TGFBRAP1: variants seen among roughly 807,000 people sequenced by gnomAD.
TGFBRAP1 encodes the protein transforming growth factor-beta receptor-associated protein 1.
TGFBRAP1 carries 20 observed loss-of-function variants against 83.2 expected under a neutral mutation model. The ratio of observed to expected loss-of-function variants is 0.24; its 90% CI spans 0.17 to 0.35. The LOEUF is 0.35. Ranked by LOEUF, TGFBRAP1 falls within the 10% of genes least tolerant of loss-of-function variation. TGFBRAP1 has a pLI of 1.00. For missense variants in TGFBRAP1, 950 were observed against 1,099.4 expected (o/e 0.86, Z 1.92); for synonymous variants, 415 against 459.8 (o/e 0.90, Z 1.25).
In TGFBRAP1 at chr2:105,269,819, C is replaced by T. The variant is rs967887316; in HGVS notation, c.1973-114G>A. ...AGGGGAAAAGTCAACCTGGCTCCCT[C>T]ACAATGCCAAATGCTGCCACCCAGA... is the stretch of plus-strand genomic sequence containing the variant. On this transcript the variant is annotated intron_variant, in intron 10 of 11. Transcript: ENST00000393359. This position sits in a 1 kb window ranked among gnomAD's most constrained non-coding sequence, Gnocchi z 4.1. The T allele has an allele frequency of 1.4e-5, 17 of 1,202,048 alleles. No individual in the cohort carries two copies. Among genetic ancestry groups the T allele is most frequent in the Non-Finnish European group, 1.8e-5 (16 of 897,150 alleles). 74.5% of individuals were successfully genotyped at this position (1,202,048 alleles called of 1,614,324 possible).
chr2:105,252,795 C>T, the TGFBRAP1 span, among the ~76,000 whole-genome samples: 2 of 149,164 alleles, frequency 1.3e-5, no homozygotes, highest in Admixed American at 6.7e-5. Flanking sequence ...CTCTGTCGCC[C>T]AGGCTGGAAT....
At chr2:105,277,926 G>C (rs1472122298) in intron 6 of TGFBRAP1, among the ~76,000 whole-genome samples, 1 of 152,138 alleles carries the variant, frequency 6.6e-6, no homozygotes. Context: ...CAGGTGTGGG[G>C]CACACATCTG....
chr2:105,293,488 T>C (rs940205496), intron 4 of TGFBRAP1, among the ~76,000 whole-genome samples: 3 of 152,182 alleles, frequency 2.0e-5, no homozygotes, highest in Non-Finnish European at 2.9e-5. Context: ...GCCCTTGCTT[T>C]AAATGAAGGG....
chr2:105,318,204 A>T (rs1479762239), intron 1 of TGFBRAP1, among the ~76,000 whole-genome samples: 5 of 152,180 alleles, frequency 3.3e-5, no homozygotes, highest in Non-Finnish European at 7.4e-5. Context: ...GAAACACCTC[A>T]TGTTTCCTCC....
chr2:105,272,693 G>A lies in TGFBRAP1; in HGVS notation c.1972+162C>T, dbSNP rs774954509. ...TTGAGACCAGCCTGGGTGACAAAGC[G>A]ACACCCTGTCTTCATTTAAAAAAAT... On this transcript the variant is annotated intron_variant, in intron 10 of 11. Coordinates refer to ENST00000393359, the MANE Select transcript of TGFBRAP1 (RefSeq NM_004257.6). Among the ~76,000 whole-genome samples the A allele has an allele frequency of 1.5e-4, 23 of 152,018 alleles. 1 individual carries two copies. Among genetic ancestry groups the A allele is most frequent in the Non-Finnish European group, 3.1e-4 (21 of 67,986 alleles).
intron 6 of TGFBRAP1, among the ~76,000 whole-genome samples, chr2:105,280,053 T>TAA (rs1188904900): frequency 7.6e-6 from 1 of 131,954 alleles, no homozygotes; most frequent in Non-Finnish European, 1.7e-5. Flanking sequence ...AAATAGTCAT[T>TAA]AAAAAAAAAA....
intron 7 of TGFBRAP1, 150 bp from the exon 8 acceptor site, chr2:105,275,853 A>C: frequency 1.3e-6 from 1 of 793,992 alleles, no homozygotes; most frequent in Admixed American, 3.7e-5. Context: ...TAAATGCTTA[A>C]ATTTTAGTTT....
At chr2:105,278,160 T>C (rs1677415817) in intron 6 of TGFBRAP1, among the ~76,000 whole-genome samples, 2 of 152,104 alleles carry the variant, frequency 1.3e-5, no homozygotes, top group South Asian at 4.1e-4. Flanking sequence ...CATTGCTGTA[T>C]ATTTACTTAT....
In TGFBRAP1 at chr2:105,269,961, T is replaced by C. The variant is rs1205497867; in HGVS notation, c.1973-256A>G. ...CACAGAATAATTCCTTTCTCTAGTG[T>C]TCAGAGGATGAAAAGAACAAATGAA... is the stretch of plus-strand genomic sequence containing the variant. On this transcript the variant is annotated intron_variant, in intron 10 of 11. Transcript: ENST00000393359. This position sits in a 1 kb window ranked among gnomAD's most constrained non-coding sequence, Gnocchi z 4.1. Among the ~76,000 whole-genome samples the C allele has an allele frequency of 6.6e-6, 1 of 152,152 alleles. No individual in the cohort carries two copies. The highest frequency in any genetic ancestry group is 6.5e-5 in the Admixed American group (1 of 15,280).
At chr2:105,261,647 G>A (rs1337574190), downstream of TGFBRAP1, among the ~76,000 whole-genome samples, 1 of 152,144 alleles carries the variant, frequency 6.6e-6, no homozygotes, top group Non-Finnish European at 1.5e-5. Context: ...AGCTACTCGG[G>A]AGGCTGAGGC....
At chr2:105,256,748 C>T in the TGFBRAP1 span, among the ~76,000 whole-genome samples, 4 of 152,176 alleles carry the variant, frequency 2.6e-5, no homozygotes, top group Admixed American at 2.6e-4. Context: ...TAAAATAAGG[C>T]TGAAACCTAC....
At position 105,273,544 on chromosome 2, in the gene TGFBRAP1, C is replaced by T; in HGVS notation, c.1812G>A (p.Gln604=). Reference sequence around the variant, plus strand: ...TTAGTCTAACTTCTGCAGTGCTCACCTGCAGTCTCTTGTCTATCACAAGAT... The same window carrying T: ...TTAGTCTAACTTCTGCAGTGCTCACTTGCAGTCTCTTGTCTATCACAAGAT... ...LEHLVIDKRL[Q]KEEYHTHLAV... The change falls in exon 9 of 12, where the codon CAG becomes CAA. Residue 604 remains glutamine (Q), a splice_region_variant and synonymous_variant. Coordinates refer to ENST00000393359, the MANE Select transcript of TGFBRAP1 (RefSeq NM_004257.6). 6.2e-7 allele frequency: 1 copy of T among 1,614,026 alleles called. No homozygotes were observed. Among genetic ancestry groups the T allele is most frequent in the South Asian group, 1.1e-5 (1 of 91,008 alleles).
chr2:105,322,496 A>G (rs2263091), intron 1 of TGFBRAP1, among the ~76,000 whole-genome samples: 83,602 of 152,016 alleles, frequency 0.55, 23,740 homozygotes, highest in East Asian at 0.73. Context: ...CTCCATTCAC[A>G]GTAAGTGCCC....
chr2:105,316,675 G>A lies in TGFBRAP1; in HGVS notation c.-17-8357C>T, dbSNP rs575586370. Reference sequence around the variant, plus strand: ...CTAAAAATACAAAAATTAGCTGGGCGTGGCTGTGCACACCTGTAGTCCCAG... The same window carrying A: ...CTAAAAATACAAAAATTAGCTGGGCATGGCTGTGCACACCTGTAGTCCCAG... On this transcript the variant is annotated intron_variant, in intron 1 of 11. Coordinates refer to ENST00000393359, the MANE Select transcript of TGFBRAP1 (RefSeq NM_004257.6). Among the ~76,000 whole-genome samples the A allele has an allele frequency of 9.1e-4, 139 of 152,034 alleles. 1 individual carries two copies. The highest frequency in any genetic ancestry group is 3.0e-3 in the African/African-American group (123 of 41,468).
intron 6 of TGFBRAP1, among the ~76,000 whole-genome samples, chr2:105,278,727 G>A (rs1224393772): frequency 1.3e-5 from 2 of 152,100 alleles, no homozygotes; most frequent in African/African-American, 4.8e-5. Context: ...GAGGGGTCAA[G>A]CATCTTCCCT....
At chr2:105,250,347 T>C in the TGFBRAP1 span, among the ~76,000 whole-genome samples, 2 of 152,224 alleles carry the variant, frequency 1.3e-5, no homozygotes, top group African/African-American at 4.8e-5. Context: ...TGGGTCTCTA[T>C]GTTCCATCTC....
intron 1 of TGFBRAP1, among the ~76,000 whole-genome samples, chr2:105,315,074 A>AT (rs938506269): frequency 1.3e-5 from 2 of 152,124 alleles, no homozygotes; most frequent in Admixed American, 6.5e-5. Flanking sequence ...TTATAGTTTA[A>AT]TTTTTTTAAA....
rs1678904974 is a variant in TGFBRAP1 at position 105,316,958 on chromosome 2, C to T, written c.-17-8640G>A. 1.3e-5 allele frequency among the ~76,000 whole-genome samples: 2 copies of T among 152,042 alleles called. 1 individual carries two copies. The highest frequency in any genetic ancestry group is 4.1e-4 in the South Asian group (2 of 4,826). On this transcript the variant is annotated intron_variant, in intron 1 of 11. Coordinates refer to ENST00000393359, the MANE Select transcript of TGFBRAP1 (RefSeq NM_004257.6). ...AATGTTGGACTAGCACGAGGACAGACCTAGAGAACACAACTGGGTGCCCAG... is the reference window on the plus strand; with the variant it reads ...AATGTTGGACTAGCACGAGGACAGATCTAGAGAACACAACTGGGTGCCCAG...
At chr2:105,294,377 T>C (rs1209473627) in intron 4 of TGFBRAP1, among the ~76,000 whole-genome samples, 1 of 151,408 alleles carries the variant, frequency 6.6e-6, no homozygotes, top group Non-Finnish European at 1.5e-5. Context: ...GGGTCAGCCA[T>C]GCTTCAAGGT....
Sources: gnomAD v4.1 joint callset for allele counts (sites outside exome capture counted in the v4.1 genomes callset) on GRCh38, gnomAD v4.1.1 for gene constraint, Gnocchi (gnomAD v3.1) non-coding constraint, MANE v1.5 for transcripts, NCBI Gene and HGNC (gene_info 2026-07-23, HGNC 2026-07-21) for gene names.